Variants in CLYBL observed in about 807,000 individuals in gnomAD.
CLYBL encodes the protein citramalyl-CoA lyase.
Under a neutral mutation model 38.9 loss-of-function variants are expected in CLYBL, and 31 were observed. The ratio of observed to expected loss-of-function variants is 0.80; its 90% CI spans 0.60 to 1.08. The LOEUF is 1.08. CLYBL is among the 50% of genes least tolerant of loss of function. CLYBL has a pLI of 0.00. For missense variants in CLYBL, 434 were observed against 411.6 expected (o/e 1.05, Z -0.47); for synonymous variants, 171 against 158.6 (o/e 1.08, Z -0.59).
At position 99,772,762 on chromosome 13, in the gene CLYBL, T is replaced by A. The variant is rs570623183; in HGVS notation, c.63-62T>A. On this transcript the variant is annotated intron_variant, in intron 1 of 8. Coordinates refer to ENST00000339105, the MANE Select transcript of CLYBL (RefSeq NM_206808.5). ...TTTAATTTTGCATTAAAATATAGTT[T>A]TTCACAAGTTTATAAATACAGAAAT... 1.5e-6 allele frequency: 2 copies of A among 1,325,698 alleles called. 1 individual carries two copies. Among genetic ancestry groups the A allele is most frequent in the Admixed American group, 5.0e-5 (2 of 40,364 alleles). The allele number at this position is 1,325,698 out of a possible 1,614,324, so 82.1% of individuals were successfully genotyped here. A position where few individuals can be genotyped will look rare whatever the true frequency, so the allele number is the denominator to read the frequency against.
rs575647373 is a variant in CLYBL at position 99,779,488 on chromosome 13, T to C, written c.249+6478T>C. Among the ~76,000 whole-genome samples, 7 of 152,322 alleles carry C rather than the reference T, an allele frequency of 4.6e-5. No individual in the cohort carries two copies. The South Asian group carries it at 1.4e-3, about 32-fold the overall frequency. On this transcript the variant is annotated intron_variant, in intron 2 of 8. Transcript: ENST00000339105. ...CATTTATTTGGTCTCTTGCTTGAAA[T>C]ATAACATACAAAAGAGTGCTTCCCA...
chr13:99,695,612 C>G (rs976382442), intron 1 of CLYBL, among the ~76,000 whole-genome samples: 1 of 151,974 alleles, frequency 6.6e-6, no homozygotes, highest in African/African-American at 2.4e-5. Flanking sequence ...CTCCGCCTCC[C>G]GAGTTCAAGA....
rs1044813486 is a variant in CLYBL at position 99,865,342 on chromosome 13, A to C, written c.634+431A>C. ...TTTGCCTTAATGAATTGTTTTCTAC[A>C]GAATATGCGGTAGGTAAATATTATT... On this transcript the variant is annotated intron_variant, in intron 5 of 8. Transcript: ENST00000339105. The surrounding 1 kb of genome is among the most constrained non-coding windows in gnomAD (Gnocchi z 4.7). 3.7e-6 allele frequency: 1 copy of C among 267,644 alleles called. No homozygotes were observed. The highest frequency in any genetic ancestry group is 2.2e-5 in the African/African-American group (1 of 44,632). The allele number at this position is 267,644 out of a possible 1,614,324, so 16.6% of individuals were successfully genotyped here.
intron 2 of CLYBL, among the ~76,000 whole-genome samples, chr13:99,843,309 C>T (rs1234142939): frequency 6.6e-6 from 1 of 152,196 alleles, no homozygotes; most frequent in Non-Finnish European, 1.5e-5. Flanking sequence ...TTTCGGGAAT[C>T]AGGGCAACTG....
chr13:99,690,557 A>C (rs1488625190), intron 1 of CLYBL: 1 of 152,164 alleles, frequency 6.6e-6, no homozygotes, highest in Non-Finnish European at 1.5e-5. Flanking sequence ...CCTCACCATC[A>C]GTTGATGGAA....
chr13:99,745,679 T>A (rs1277250675), intron 1 of CLYBL, among the ~76,000 whole-genome samples: 1 of 152,210 alleles, frequency 6.6e-6, no homozygotes, highest in Non-Finnish European at 1.5e-5. Context: ...ACAATCTTAA[T>A]CTTATCATGG....
At chr13:99,680,340 C>A (rs1015451955) in intron 1 of CLYBL, among the ~76,000 whole-genome samples, 25 of 152,196 alleles carry the variant, frequency 1.6e-4, no homozygotes, top group African/African-American at 5.3e-4. Flanking sequence ...ATTCTACTTT[C>A]ATTGTTTTGT....
At chr13:99,711,672 C>G (rs1045602461) in intron 1 of CLYBL, among the ~76,000 whole-genome samples, 2 of 151,878 alleles carry the variant, frequency 1.3e-5, no homozygotes, top group Non-Finnish European at 1.5e-5. Flanking sequence ...TCCCAAAGTG[C>G]TGGGATTACA....
intron 1 of CLYBL, among the ~76,000 whole-genome samples, chr13:99,641,357 AT>A (rs1239169331): frequency 1.3e-5 from 2 of 152,358 alleles, no homozygotes; most frequent in Middle Eastern, 3.4e-3. Context: ...TACCAAAAAA[AT>A]CACTTTATTT....
chr13:99,607,034 C>T (rs2046537053), intron 1 of CLYBL, among the ~76,000 whole-genome samples: 1 of 152,196 alleles, frequency 6.6e-6, no homozygotes, highest in South Asian at 2.1e-4. Flanking sequence ...TGCCTGCCTC[C>T]CCCAAATGGC....
chr13:99,703,498 T>C (rs2048100831), intron 1 of CLYBL, among the ~76,000 whole-genome samples: 1 of 152,170 alleles, frequency 6.6e-6, no homozygotes, highest in Non-Finnish European at 1.5e-5. Context: ...GCCTCCCAAG[T>C]AGCTGGGACT....
At chr13:99,662,580 CT>C (rs34783138) in intron 1 of CLYBL, among the ~76,000 whole-genome samples, 36,448 of 145,666 alleles carry the variant, frequency 0.25, 5,341 homozygotes, top group Middle Eastern at 0.36. Flanking sequence ...TAGAGGAACC[CT>C]TTTTTTTTAT....
chr13:99,710,712 C>T (rs1257165867), intron 1 of CLYBL, among the ~76,000 whole-genome samples: 1 of 152,054 alleles, frequency 6.6e-6, no homozygotes. Context: ...ACCATTTAGC[C>T]CCTGTCTTGG....
chr13:99,776,174 A>C lies in CLYBL; in HGVS notation c.249+3164A>C, dbSNP rs555198284. ...GCAAGACTCCATCTCAAAAAAAAAAAACCAAAAAACAAATAATAATAATAA... is the reference window on the plus strand; with the variant it reads ...GCAAGACTCCATCTCAAAAAAAAAACACCAAAAAACAAATAATAATAATAA... On this transcript the variant is annotated intron_variant, in intron 2 of 8. Transcript: ENST00000339105. 3.3e-4 allele frequency among the ~76,000 whole-genome samples: 30 copies of C among 92,212 alleles called. 1 individual carries two copies. The highest frequency in any genetic ancestry group is 8.3e-4 in the African/African-American group (21 of 25,158). 60.5% of individuals were successfully genotyped at this position (92,212 alleles called of 152,430 possible).
chr13:99,764,227 T>G (rs2049223683), intron 1 of CLYBL, among the ~76,000 whole-genome samples: 1 of 151,924 alleles, frequency 6.6e-6, no homozygotes, highest in East Asian at 1.9e-4. Flanking sequence ...CTGGCTAATT[T>G]TTTTTTTCTT....
At chr13:99,866,573 C>T (rs112112799) in intron 6 of CLYBL, among the ~76,000 whole-genome samples, 166 bp downstream of exon 6, 1 of 151,940 alleles carries the variant, frequency 6.6e-6, no homozygotes, top group African/African-American at 2.4e-5. Flanking sequence ...GACACATTGT[C>T]ATGGTTTTCC....
At chr13:99,847,141 C>T (rs2051224757) in intron 2 of CLYBL, among the ~76,000 whole-genome samples, 1 of 152,150 alleles carries the variant, frequency 6.6e-6, no homozygotes, top group South Asian at 2.1e-4. Context: ...GGTGACACGT[C>T]TGTTATCTGA....
At chr13:99,774,849 T>C (rs932974067) in intron 2 of CLYBL, among the ~76,000 whole-genome samples, 8 of 152,212 alleles carry the variant, frequency 5.3e-5, no homozygotes, top group African/African-American at 1.9e-4. Flanking sequence ...CTGAAGGCTG[T>C]AATATGATTT....
At chr13:99,776,242 C>T (rs1259548550) in intron 2 of CLYBL, among the ~76,000 whole-genome samples, 1 of 151,164 alleles carries the variant, frequency 6.6e-6, no homozygotes, top group Non-Finnish European at 1.5e-5. Flanking sequence ...CATCAGTATT[C>T]CCAGCACTCT....
Sources: gnomAD v4.1 joint callset for allele counts (sites outside exome capture counted in the v4.1 genomes callset) on GRCh38, gnomAD v4.1.1 for gene constraint, Gnocchi (gnomAD v3.1) non-coding constraint, MANE v1.5 for transcripts, NCBI Gene and HGNC (gene_info 2026-07-23, HGNC 2026-07-21) for gene names.